Variants in WWOX observed in about 807,000 individuals in gnomAD.
WWOX encodes WW domain-containing oxidoreductase.
A neutral mutation model predicts 46.2 loss-of-function variants in WWOX; 69 were observed. The ratio of observed to expected loss-of-function variants is 1.49; its 90% CI spans 1.23 to 1.82. The LOEUF (loss-of-function observed/expected upper bound fraction) is 1.82, where lower values mean the gene tolerates loss of function less well. Ranked by LOEUF, WWOX falls within the 40% of genes most tolerant of loss-of-function variation. WWOX has a pLI of 0.00. For synonymous variants in WWOX, 359 were observed against 202.6 expected, an observed-to-expected ratio of 1.77 and a Z score of -6.56; for missense variants, 919 against 542.6, an observed-to-expected ratio of 1.69 and a Z score of -6.89.
At chr16:78,775,165 T>C (rs1477240851) in intron 8 of WWOX, among the ~76,000 whole-genome samples, 1 of 152,176 alleles carries the variant, frequency 6.6e-6, no homozygotes, top group African/African-American at 2.4e-5. Context: ...TCAATTCCTT[T>C]TGCCTGCCTG....
At chr16:78,965,337 G>C (rs1030165420) in intron 8 of WWOX, among the ~76,000 whole-genome samples, 1 of 152,148 alleles carries the variant, frequency 6.6e-6, no homozygotes, top group Non-Finnish European at 1.5e-5. Context: ...GGGAGGCTGA[G>C]GTGGGTGGAG....
At chr16:78,711,209 C>T (rs2048438027) in intron 8 of WWOX, among the ~76,000 whole-genome samples, 1 of 152,174 alleles carries the variant, frequency 6.6e-6, no homozygotes, top group Admixed American at 6.5e-5. Context: ...ATCTGGAAGC[C>T]TCTAAGTGTG....
intron 8 of WWOX, among the ~76,000 whole-genome samples, chr16:78,643,655 C>T (rs890971869): frequency 6.6e-6 from 1 of 152,056 alleles, no homozygotes; most frequent in East Asian, 1.9e-4. Context: ...TATCTTGGCT[C>T]CTAATAATGG....
At chr16:78,611,702 C>A (rs1162663854) in intron 8 of WWOX, among the ~76,000 whole-genome samples, 1 of 152,242 alleles carries the variant, frequency 6.6e-6, no homozygotes, top group African/African-American at 2.4e-5. Flanking sequence ...TCAGTGCTTT[C>A]AGCAACTCAT....
intron 8 of WWOX, among the ~76,000 whole-genome samples, chr16:78,546,555 G>A (rs989858553): frequency 6.6e-6 from 1 of 152,184 alleles, no homozygotes; most frequent in Admixed American, 6.5e-5. Flanking sequence ...TATATTGTTT[G>A]TTGAAATAAT....
chr16:79,107,233 G>A (rs949178858), intron 8 of WWOX, among the ~76,000 whole-genome samples: 1 of 151,732 alleles, frequency 6.6e-6, no homozygotes, highest in East Asian at 2.0e-4. Flanking sequence ...GAATCACCGC[G>A]CCCAGCCCAA....
chr16:78,216,194 T>C (rs2036715254), intron 5 of WWOX, among the ~76,000 whole-genome samples: 1 of 152,160 alleles, frequency 6.6e-6, no homozygotes, highest in African/African-American at 2.4e-5. Context: ...AATAAATATA[T>C]ACATAAAAAC....
chr16:78,200,803 C>T (rs1337102217), intron 5 of WWOX, among the ~76,000 whole-genome samples: 3 of 152,064 alleles, frequency 2.0e-5, no homozygotes, highest in Admixed American at 6.6e-5. Context: ...GCACTTTGCA[C>T]GTGTGCATTC....
chr16:78,709,095 G>A (rs2048384386), intron 8 of WWOX, among the ~76,000 whole-genome samples: 2 of 152,088 alleles, frequency 1.3e-5, no homozygotes, highest in Admixed American at 6.5e-5. Flanking sequence ...TTATCGCCCT[G>A]CGTGTCATTT....
chr16:78,315,364 T>C (rs546160410), intron 5 of WWOX, among the ~76,000 whole-genome samples: 6 of 152,256 alleles, frequency 3.9e-5, no homozygotes, highest in African/African-American at 1.4e-4. Flanking sequence ...AATTATATGA[T>C]TATGCTGAGT....
chr16:79,100,275 A>G (rs2049165219), intron 8 of WWOX, among the ~76,000 whole-genome samples: 2 of 152,218 alleles, frequency 1.3e-5, no homozygotes, highest in Non-Finnish European at 2.9e-5. Context: ...CAAGATTAGA[A>G]TGTCTTCTTT....
At chr16:78,563,418 T>C (rs16948096) in intron 8 of WWOX, among the ~76,000 whole-genome samples, 24,104 of 151,082 alleles carry the variant, frequency 0.16, 2,361 homozygotes, top group African/African-American at 0.28. Context: ...AAGCCAAAAA[T>C]TGAACAATAA....
At chr16:78,146,192 G>T (rs2034191311) in intron 4 of WWOX, among the ~76,000 whole-genome samples, 1 of 152,114 alleles carries the variant, frequency 6.6e-6, no homozygotes, top group South Asian at 2.1e-4. Flanking sequence ...GGGAGTACTT[G>T]CCTCCCAAGT....
intron 8 of WWOX, among the ~76,000 whole-genome samples, chr16:78,958,393 C>T (rs534104500): frequency 6.6e-6 from 1 of 152,238 alleles, no homozygotes; most frequent in South Asian, 2.1e-4. Context: ...TATATACTTA[C>T]TGTAAAAATG....
chr16:78,832,664 A>G (rs2051864213), intron 8 of WWOX, among the ~76,000 whole-genome samples: 1 of 152,122 alleles, frequency 6.6e-6, no homozygotes, highest in African/African-American at 2.4e-5. Context: ...GCTAGTGTGA[A>G]TCCATGTCCT....
Position 78,848,116 on chromosome 16 carries a change from G to A in WWOX, c.1057-363492G>A, listed in dbSNP as rs114789198. ...CAGAGAAAGAGCACAGCCCATTCGC[G>A]GACTCAGAAACTAAATATAAGAAAA... is the stretch of plus-strand genomic sequence containing the variant. On this transcript the variant is annotated intron_variant, in intron 8 of 8. Transcript: ENST00000566780. Among the ~76,000 whole-genome samples the A allele has an allele frequency of 7.3e-3, 1,103 of 152,128 alleles. 8 individuals are homozygous for A. The highest frequency in any genetic ancestry group is 0.022 in the East Asian group (116 of 5,174).
At chr16:78,539,712 C>T (rs890926863) in intron 8 of WWOX, among the ~76,000 whole-genome samples, 10 of 152,146 alleles carry the variant, frequency 6.6e-5, no homozygotes, top group Non-Finnish European at 1.3e-4. Flanking sequence ...GCATGTTTTC[C>T]CTCTAAAGAG....
chr16:78,943,528 A>G (rs1316073933), intron 8 of WWOX, among the ~76,000 whole-genome samples: 1 of 152,212 alleles, frequency 6.6e-6, no homozygotes, highest in Non-Finnish European at 1.5e-5. Context: ...ATCGAGCTTT[A>G]TCAGAGCAGC....
intron 8 of WWOX, among the ~76,000 whole-genome samples, chr16:78,452,986 A>T (rs1298084593): frequency 2.0e-5 from 3 of 150,692 alleles, no homozygotes; most frequent in Admixed American, 6.6e-5. Flanking sequence ...GGCCTAAGTG[A>T]TCCTCCTCTC....
Sources: gnomAD v4.1 joint callset for allele counts (sites outside exome capture counted in the v4.1 genomes callset) on GRCh38, gnomAD v4.1.1 for gene constraint, MANE v1.5 for transcripts, NCBI Gene and HGNC (gene_info 2026-07-23, HGNC 2026-07-21) for gene names.